IGFN1: variants seen among roughly 807,000 people sequenced by gnomAD.
The protein encoded by IGFN1 is immunoglobulin like and fibronectin type III domain containing 1.
IGFN1 carries 253 observed loss-of-function variants against 289.5 expected under a neutral mutation model. That is an observed-to-expected ratio of 0.87 (90% CI 0.79 to 0.97). The LOEUF (loss-of-function observed/expected upper bound fraction) is 0.97. Among genes scored for constraint, IGFN1 ranks in the 50% least tolerant of loss-of-function variants. The pLI is 0.00. For synonymous variants in IGFN1, 1,706 were observed against 1,788.5 expected (o/e 0.95, Z 1.16); for missense variants, 4,470 against 4,686.1 (o/e 0.95, Z 1.35).
Position 201,211,282 on chromosome 1 carries a change from G to A in IGFN1, c.6389G>A (p.Ser2130Asn). The change falls in exon 12 of 24, where the codon AGT (serine) becomes AAT (asparagine). Residue 2130 changes from serine (S) to asparagine (N), a missense_variant. By Grantham distance (46) the Ser-to-Asn change is conservative. Around this residue, in one of 8 missense-constraint regions of IGFN1, gnomAD observed 2,218 missense variants for 2,114.1 expected, o/e 1.05. Coordinates refer to ENST00000335211, the MANE Select transcript of IGFN1 (RefSeq NM_001164586.2). ...SKAGFRDGLGSSTEMGSVNEA... is the reference protein window; with the variant it reads ...SKAGFRDGLGNSTEMGSVNEA... ...GCAGGTTTTAGGGATGGTTTAGGGA[G>A]TTCTACAGAAATGGGGTCAGTGAAT... The A allele has an allele frequency of 6.5e-7, 1 of 1,531,240 alleles. No homozygotes were observed. The highest frequency in any genetic ancestry group is 8.7e-7 in the Non-Finnish European group (1 of 1,143,662). 94.9% of individuals were successfully genotyped at this position (1,531,240 alleles called of 1,614,324 possible).
In IGFN1 at chr1:201,194,209, GAT is replaced by G; in HGVS notation, c.64_65del (p.Ile22ProfsTer2). 1 of 1,551,654 alleles carries G rather than the reference GAT, an allele frequency of 6.4e-7. No individual in the cohort carries two copies. The highest frequency in any genetic ancestry group is 1.2e-5 in the South Asian group (1 of 84,062). On this transcript the variant is annotated frameshift_variant, in exon 3 of 24. Coordinates refer to ENST00000335211, the MANE Select transcript of IGFN1 (RefSeq NM_001164586.2). LOFTEE classifies it high-confidence loss of function. The part of the protein sequence containing the change: ...GVSIWQLVEE[I>X]PEGCSTPDFE... ...TGAGCATCTGGCAGCTGGTGGAGGA[GAT>G]CCCTGAAGGCTGCAGCACGCCGGAC...
At position 201,226,965 on chromosome 1, in the gene IGFN1, C is replaced by T. The variant is rs373380482; in HGVS notation, c.10870C>T (p.Leu3624=). 3 of 1,612,992 alleles carry T rather than the reference C, an allele frequency of 1.9e-6. No individual in the cohort carries two copies. In the African/African-American group the frequency reaches 4.0e-5, roughly 21 times the overall value. ...PRFLVGLRSH[L]LPQGCECCMS... is the part of the protein sequence containing the mutation. ...GTTCCTGGTGGGCCTGCGGTCCCAC[C>T]TGCTGCCCCAGGGCTGCGAGTGCTG... The change falls in exon 23 of 24, where the codon CTG becomes TTG. Residue 3624 remains leucine, a synonymous_variant. Transcript: ENST00000335211.
At chr1:201,218,709 C>T (rs370741444) in intron 18 of IGFN1, 51 bp downstream of exon 18, 9 of 1,557,126 alleles carry the variant, frequency 5.8e-6, no homozygotes, top group African/African-American at 5.4e-5. Context: ...ATGGGATAGC[C>T]CTGAAGCTGG....
intron 22 of IGFN1, 124 bp from the exon 23 acceptor site, chr1:201,226,758 A>C: frequency 1.3e-6 from 1 of 745,270 alleles, no homozygotes; most frequent in Non-Finnish European, 2.2e-6. Flanking sequence ...TGCAGGCAAG[A>C]TGTGGCAGGA....
rs1405943644 is a variant in IGFN1 at position 201,217,050 on chromosome 1, G to A, written c.9596-237G>A. ...ACATCCTATCAGAGGACTGGAGGCT[G>A]AGGGGTCTCAGGGCTGGTTCTAGGC... On this transcript the variant is annotated intron_variant, in intron 16 of 23. Transcript: ENST00000335211. 4.6e-5 allele frequency among the ~76,000 whole-genome samples: 7 copies of A among 152,286 alleles called. No individual in the cohort carries two copies. The South Asian group carries it at 1.0e-3, about 23-fold the overall frequency.
At position 201,210,683 on chromosome 1, in the gene IGFN1, G is replaced by T; in HGVS notation, c.5790G>T (p.Leu1930Phe). The T allele has an allele frequency of 6.6e-7, 1 of 1,526,556 alleles. No homozygotes were observed. The highest frequency in any genetic ancestry group is 8.7e-7 in the Non-Finnish European group (1 of 1,143,616). The allele number at this position is 1,526,556 out of a possible 1,614,324, so 94.6% of individuals were successfully genotyped here. Residue 1930 changes from leucine (L) to phenylalanine (F), a missense_variant, in exon 12 of 24, where the codon TTG (leucine) becomes TTT (phenylalanine). This residue lies in a region of IGFN1 where 108 missense variants were observed against 128.7 expected (regional missense o/e 0.84). Coordinates refer to ENST00000335211, the MANE Select transcript of IGFN1 (RefSeq NM_001164586.2). Reference sequence around the variant, plus strand: ...ATGAGGCAGGTTATAGGAAGGATTTGGGGGCTCCTGAGGGAATGGGTTCAG... The same window carrying T: ...ATGAGGCAGGTTATAGGAAGGATTTTGGGGCTCCTGAGGGAATGGGTTCAG... ...SVNEAGYRKD[L>F]GAPEGMGSGS...
In IGFN1 at chr1:201,212,384, T is replaced by C. The variant is rs1416993808; in HGVS notation, c.7491T>C (p.Ser2497=). The C allele has an allele frequency of 6.5e-7, 1 of 1,536,954 alleles. No homozygotes were observed. The highest frequency in any genetic ancestry group is 2.0e-5 in the Admixed American group (1 of 50,986). ...ATGTCAAAGAATGGCAAGACAGTTC[T>C]GGGACTCCAGGGTCTTCTAGAGACA... The part of the protein sequence containing the change: ...KPDVKEWQDS[S]GTPGSSRDRG... The change falls in exon 12 of 24, where the codon TCT becomes TCC. Residue 2497 remains serine (S), a synonymous_variant. Coordinates refer to ENST00000335211, the MANE Select transcript of IGFN1 (RefSeq NM_001164586.2).
chr1:201,218,727 T>A, intron 18 of IGFN1, 69 bp downstream of exon 18: 1 of 1,488,488 alleles, frequency 6.7e-7, no homozygotes, highest in South Asian at 1.3e-5. Context: ...TGGGTGGGAC[T>A]TGATGGGAGG....
intron 23 of IGFN1, among the ~76,000 whole-genome samples, chr1:201,227,780 A>G (rs1215832430): frequency 6.6e-6 from 1 of 152,098 alleles, no homozygotes; most frequent in Admixed American, 6.5e-5. Context: ...GCAACTCTTG[A>G]TTGAAGGGCT....
intron 22 of IGFN1, 40 bp downstream of exon 22, chr1:201,226,163 G>A (rs746770260): frequency 4.2e-5 from 64 of 1,527,828 alleles, no homozygotes; most frequent in Non-Finnish European, 5.4e-5. Flanking sequence ...CAGGGTGGGG[G>A]TTGCGCTCTG....
Position 201,208,005 on chromosome 1 carries a change from A to C in IGFN1, c.3112A>C (p.Ser1038Arg), listed in dbSNP as rs1667514297. The change falls in exon 12 of 24, where the codon AGT becomes CGT. Residue 1038 changes from serine (S) to arginine (R), a missense_variant. By Grantham distance (110) the Ser-to-Arg change is moderately radical. Transcript: ENST00000335211. ...AGGAGGAGGGTCTGGGAGAGTTGCC[A>C]GTCTTAAAAATGGCTCAGGTGGTCC... ...PAGGGSGRVASLKNGSGGPDG... is the reference protein window; with the variant it reads ...PAGGGSGRVARLKNGSGGPDG... 6.5e-7 allele frequency: 1 copy of C among 1,536,930 alleles called. No individual in the cohort carries two copies. Among genetic ancestry groups the C allele is most frequent in the East Asian group, 2.4e-5 (1 of 40,892 alleles).
chr1:201,208,021 C>T lies in IGFN1; in HGVS notation c.3128C>T (p.Ser1043Leu), dbSNP rs1667515621. ...AGAGTTGCCAGTCTTAAAAATGGCT[C>T]AGGTGGTCCTGATGGAGCACCCATG... ...SGRVASLKNG[S>L]GGPDGAPMND... Residue 1043 changes from serine to leucine, a missense_variant, in exon 12 of 24, where the codon TCA becomes TTA. Around this residue, in one of 8 missense-constraint regions of IGFN1, gnomAD observed 2,011 missense variants for 1,953.4 expected, o/e 1.03. Transcript: ENST00000335211. 6.5e-7 allele frequency: 1 copy of T among 1,536,920 alleles called. No individual in the cohort carries two copies. The highest frequency in any genetic ancestry group is 2.0e-5 in the Admixed American group (1 of 50,988).
rs775456989 is a variant in IGFN1, at chr1:201,225,932, A to G, written c.10595A>G (p.Tyr3532Cys). Residue 3532 changes from tyrosine (Y) to cysteine (C), a missense_variant, in exon 22 of 24, where the codon TAC becomes TGC. This residue lies in a region of IGFN1 where 2,218 missense variants were observed against 2,114.1 expected (regional missense o/e 1.05). Coordinates refer to ENST00000335211, the MANE Select transcript of IGFN1 (RefSeq NM_001164586.2). ...GAGGCCCAGGATGTCCCGCTGCACT[A>G]CGCGGTGTTCACACGCTCCTCAGCG... ...PDEAQDVPLH[Y>C]AVFTRSSAHG... is the part of the protein sequence containing the mutation. 6.2e-7 allele frequency: 1 copy of G among 1,605,076 alleles called. No homozygotes were observed. Among genetic ancestry groups the G allele is most frequent in the Non-Finnish European group, 8.5e-7 (1 of 1,175,824 alleles).
At position 201,213,480 on chromosome 1, in the gene IGFN1, C is replaced by A. The variant is rs747766879; in HGVS notation, c.8587C>A (p.Arg2863=). 2 of 1,613,842 alleles carry A rather than the reference C, an allele frequency of 1.2e-6. No individual in the cohort carries two copies. Among genetic ancestry groups the A allele is most frequent in the African/African-American group, 1.3e-5 (1 of 74,850 alleles). The change falls in exon 12 of 24, where the codon CGG becomes AGG. Residue 2863 remains arginine, a synonymous_variant. Coordinates refer to ENST00000335211, the MANE Select transcript of IGFN1 (RefSeq NM_001164586.2). ...LEEMLNEDQS[R]EPPGHLGSRR... is the part of the protein sequence containing the mutation. ...GGAGATGCTGAATGAAGATCAGAGC[C>A]GGGAGCCCCCTGGTCACCTTGGTAG... is the stretch of plus-strand genomic sequence containing the variant.
chr1:201,222,962 T>C (rs372837109), intron 20 of IGFN1, 135 bp downstream of exon 20: 10 of 552,342 alleles, frequency 1.8e-5, no homozygotes, highest in East Asian at 6.2e-5. Flanking sequence ...CTGACTGGGC[T>C]TGTGGAAATC....
At position 201,211,188 on chromosome 1, in the gene IGFN1, G is replaced by A. The variant is rs558566164; in HGVS notation, c.6295G>A (p.Glu2099Lys). 5.6e-5 allele frequency: 86 copies of A among 1,532,460 alleles called. No individual in the cohort carries two copies. The African/African-American group carries it at 1.0e-3, about 18-fold the overall frequency. 94.9% of individuals were successfully genotyped at this position (1,532,460 alleles called of 1,614,324 possible). A position where few individuals can be genotyped will look rare whatever the true frequency, so the allele number is the denominator to read the frequency against. The change falls in exon 12 of 24, where the codon GAG (glutamate) becomes AAG (lysine). Residue 2099 changes from glutamate to lysine, a missense_variant. By Grantham distance (56) the Glu-to-Lys change is moderately conservative. Coordinates refer to ENST00000335211, the MANE Select transcript of IGFN1 (RefSeq NM_001164586.2). ...TGGTTTAGGGGGTTCTGAAGAAATG[G>A]AGTCAATGGATGAGGCAGGTTATAG... is the stretch of plus-strand genomic sequence containing the variant. Reference protein sequence around the residue: ...RDGLGGSEEMESMDEAGYRKD... With the variant: ...RDGLGGSEEMKSMDEAGYRKD...
rs776798944 is a variant in IGFN1, at chr1:201,205,698, TG to T, written c.1189+345del. Among the ~76,000 whole-genome samples the T allele has an allele frequency of 4.4e-4, 67 of 152,338 alleles. 1 individual carries two copies. The highest frequency in any genetic ancestry group is 3.3e-4 in the Admixed American group (5 of 15,310). Reference sequence around the variant, plus strand: ...TGGGGATAGAAATTTGCGTTCCAGATGTTCCCAGGAAAGTGTAAATTGGACA... The same window carrying T: ...TGGGGATAGAAATTTGCGTTCCAGATTTCCCAGGAAAGTGTAAATTGGACA... On this transcript the variant is annotated intron_variant, in intron 11 of 23. Transcript: ENST00000335211.
intron 16 of IGFN1, among the ~76,000 whole-genome samples, 185 bp downstream of exon 16, chr1:201,216,938 G>A (rs1558155477): frequency 6.6e-6 from 1 of 152,118 alleles, no homozygotes; most frequent in Non-Finnish European, 1.5e-5. Context: ...AGATCAGGAA[G>A]TGTTTTACAG....
chr1:201,227,676 C>T (rs1011889129), intron 23 of IGFN1, among the ~76,000 whole-genome samples: 9 of 152,032 alleles, frequency 5.9e-5, no homozygotes, highest in African/African-American at 1.9e-4. Flanking sequence ...GTGATCCACC[C>T]GCCTCGGCCT....
Sources: gnomAD v4.1 joint callset for allele counts (sites outside exome capture counted in the v4.1 genomes callset) on GRCh38, gnomAD v4.1.1 for gene constraint, gnomAD v4.1.1 regional missense constraint, MANE v1.5 for transcripts, NCBI Gene and HGNC (gene_info 2026-07-23, HGNC 2026-07-21) for gene names.